Variants in GALNTL6 observed in about 807,000 individuals in gnomAD.
GALNTL6 encodes the protein polypeptide N-acetylgalactosaminyltransferase-like 6.
A neutral mutation model predicts 73.7 loss-of-function variants in GALNTL6; 46 were observed. That is an observed-to-expected ratio of 0.62 (90% CI 0.49 to 0.80). The LOEUF (loss-of-function observed/expected upper bound fraction) is 0.80. Among genes scored for constraint, GALNTL6 ranks in the 30% least tolerant of loss-of-function variants. GALNTL6 has a pLI of 0.00. For missense variants in GALNTL6, 604 were observed against 755.0 expected, an observed-to-expected ratio of 0.80 and a Z score of 2.34; for synonymous variants, 259 against 263.7, an observed-to-expected ratio of 0.98 and a Z score of 0.17.
chr4:172,070,541 C>A lies in GALNTL6; in HGVS notation c.139-159115C>A. ...TGTTATATAAGCCAGCTCTGTCTGG[C>A]TCTCTTTCTCTTGCCTATTTGCCAC... On this transcript the variant is annotated intron_variant, in intron 2 of 12. Transcript: ENST00000506823. Among the ~76,000 whole-genome samples the A allele has an allele frequency of 1.8e-5, 2 of 109,224 alleles. 1 individual carries two copies. The allele number at this position is 109,224 out of a possible 152,430, so 71.7% of individuals were successfully genotyped here. A position where few individuals can be genotyped will look rare whatever the true frequency, so the allele number is the denominator to read the frequency against.
chr4:172,933,558 T>C (rs1748462467), intron 9 of GALNTL6, among the ~76,000 whole-genome samples: 1 of 151,416 alleles, frequency 6.6e-6, no homozygotes. Flanking sequence ...CTCATTTTTA[T>C]TTTTTTTTCT....
chr4:171,932,965 A>C (rs1253854745), intron 2 of GALNTL6, among the ~76,000 whole-genome samples: 1 of 152,214 alleles, frequency 6.6e-6, no homozygotes, highest in Non-Finnish European at 1.5e-5. Context: ...CAGCAGCATC[A>C]GTATCACCTG....
intron 5 of GALNTL6, among the ~76,000 whole-genome samples, chr4:172,709,010 A>AT (rs1225620402): frequency 1.3e-5 from 2 of 152,060 alleles, no homozygotes; most frequent in African/African-American, 4.8e-5. Flanking sequence ...TTTGAAAACA[A>AT]TTTTTTCTAT....
At chr4:172,956,940 T>C (rs1237667021) in intron 10 of GALNTL6, among the ~76,000 whole-genome samples, 2 of 152,136 alleles carry the variant, frequency 1.3e-5, no homozygotes, top group Non-Finnish European at 2.9e-5. Context: ...CGATCTGTTA[T>C]AGGACTGTAT....
intron 7 of GALNTL6, among the ~76,000 whole-genome samples, chr4:172,862,543 C>CA (rs1451002507): frequency 2.0e-5 from 3 of 152,068 alleles, no homozygotes; most frequent in South Asian, 2.1e-4. Context: ...ATCAAAAATA[C>CA]AAAAAACTTA....
chr4:172,578,353 G>A (rs1385190467), intron 5 of GALNTL6, among the ~76,000 whole-genome samples: 1 of 152,220 alleles, frequency 6.6e-6, no homozygotes. Flanking sequence ...AATAATGTGA[G>A]AGCACACGTT....
At chr4:172,187,456 A>G (rs973053879) in intron 2 of GALNTL6, among the ~76,000 whole-genome samples, 2 of 152,262 alleles carry the variant, frequency 1.3e-5, no homozygotes, top group African/African-American at 4.8e-5. Flanking sequence ...CGAGACAATC[A>G]AAATAGCTCA....
chr4:172,745,252 T>C (rs979628461), intron 5 of GALNTL6, among the ~76,000 whole-genome samples: 2 of 151,890 alleles, frequency 1.3e-5, no homozygotes, highest in African/African-American at 4.8e-5. Flanking sequence ...AGAGGATTTA[T>C]ACAAGCATTG....
At chr4:172,390,235 T>G (rs1196464404) in intron 5 of GALNTL6, among the ~76,000 whole-genome samples, 1 of 152,218 alleles carries the variant, frequency 6.6e-6, no homozygotes, top group Admixed American at 6.5e-5. Context: ...ATAGCTATGT[T>G]TGCAATTGAT....
intron 2 of GALNTL6, among the ~76,000 whole-genome samples, chr4:171,989,062 T>C (rs4048516): frequency 2.0e-5 from 3 of 150,986 alleles, no homozygotes; most frequent in Non-Finnish European, 4.4e-5. Flanking sequence ...GAGTATTGTC[T>C]AAGTTGGCAC....
intron 5 of GALNTL6, among the ~76,000 whole-genome samples, chr4:172,490,887 G>A (rs1034086982): frequency 8.5e-5 from 13 of 152,054 alleles, no homozygotes; most frequent in African/African-American, 1.4e-4. Context: ...TCGATAGCCC[G>A]TTCATTCATT....
At chr4:171,828,127 G>A (rs1734873476) in intron 2 of GALNTL6, among the ~76,000 whole-genome samples, 1 of 152,080 alleles carries the variant, frequency 6.6e-6, no homozygotes, top group South Asian at 2.1e-4. Flanking sequence ...CAAATATAAA[G>A]ATGCAGTATT....
chr4:172,809,934 C>T lies in GALNTL6; in HGVS notation c.739+388C>T, dbSNP rs1163080231. On this transcript the variant is annotated intron_variant, in intron 6 of 12. Coordinates refer to ENST00000506823, the MANE Select transcript of GALNTL6 (RefSeq NM_001034845.3). This position sits in a 1 kb window ranked among gnomAD's most constrained non-coding sequence, Gnocchi z 4.4. ...AAATACACACACACACACACACACA[C>T]ACACACACACACACACATTGAACAA... Among the ~76,000 whole-genome samples, 1 of 151,856 alleles carries T rather than the reference C, an allele frequency of 6.6e-6. No individual in the cohort carries two copies. Among genetic ancestry groups the T allele is most frequent in the East Asian group, 1.9e-4 (1 of 5,176 alleles).
intron 5 of GALNTL6, among the ~76,000 whole-genome samples, chr4:172,482,177 G>A (rs1475952976): frequency 1.3e-5 from 2 of 152,168 alleles, no homozygotes; most frequent in East Asian, 3.9e-4. Flanking sequence ...GGCAGGACCT[G>A]CCGAGCCCAC....
At chr4:172,681,628 A>G (rs1284546560) in intron 5 of GALNTL6, among the ~76,000 whole-genome samples, 3 of 152,240 alleles carry the variant, frequency 2.0e-5, no homozygotes, top group Non-Finnish European at 4.4e-5. Flanking sequence ...ATTCCTTTAT[A>G]AAATTATATA....
At chr4:172,792,867 T>A (rs1408748276) in intron 5 of GALNTL6, among the ~76,000 whole-genome samples, 1 of 152,136 alleles carries the variant, frequency 6.6e-6, no homozygotes, top group African/African-American at 2.4e-5. Flanking sequence ...TTTATCTATA[T>A]AAATATTATT....
intron 10 of GALNTL6, among the ~76,000 whole-genome samples, chr4:172,968,660 G>A (rs892506376): frequency 1.3e-5 from 2 of 152,160 alleles, no homozygotes; most frequent in Non-Finnish European, 2.9e-5. Flanking sequence ...ACATTCAAAG[G>A]TAACAATACT....
chr4:172,760,365 C>T (rs17052104), intron 5 of GALNTL6, among the ~76,000 whole-genome samples: 47,901 of 151,934 alleles, frequency 0.32, 8,171 homozygotes, highest in Middle Eastern at 0.47. Context: ...ACTGAACATA[C>T]CTAGAAGTAA....
At chr4:172,793,312 T>G (rs1369380135) in intron 5 of GALNTL6, among the ~76,000 whole-genome samples, 30 of 152,180 alleles carry the variant, frequency 2.0e-4, no homozygotes, top group Non-Finnish European at 4.4e-4. Flanking sequence ...AGCACAAGTT[T>G]TCAGAGTCAG....
Sources: gnomAD v4.1 joint callset for allele counts (sites outside exome capture counted in the v4.1 genomes callset) on GRCh38, gnomAD v4.1.1 for gene constraint, Gnocchi (gnomAD v3.1) non-coding constraint, MANE v1.5 for transcripts, NCBI Gene and HGNC (gene_info 2026-07-23, HGNC 2026-07-21) for gene names.